The following MAGI1 variants were observed in gnomAD, a reference collection of about 807,000 sequenced individuals.
MAGI1 encodes membrane associated guanylate kinase, WW and PDZ domain containing 1.
Under a neutral mutation model 139.9 loss-of-function variants are expected in MAGI1, and 58 were observed. That is an observed-to-expected ratio of 0.41 (90% CI 0.34 to 0.52). MAGI1 has a LOEUF of 0.52. Among genes scored for constraint, MAGI1 ranks in the 20% least tolerant of loss-of-function variants. MAGI1 has a pLI of 0.12. For synonymous variants in MAGI1, 812 were observed against 737.9 expected, an observed-to-expected ratio of 1.10 and a Z score of -1.63; for missense variants, 1,874 against 1,901.6, an observed-to-expected ratio of 0.99 and a Z score of 0.27.
chr3:65,472,717 G>A (rs1167316367), intron 4 of MAGI1, among the ~76,000 whole-genome samples: 1 of 152,200 alleles, frequency 6.6e-6, no homozygotes, highest in Non-Finnish European at 1.5e-5. Context: ...GAGACGTGTA[G>A]AGAGTGGGTC....
At chr3:65,961,705 C>A (rs1576273854) in intron 1 of MAGI1, among the ~76,000 whole-genome samples, 2 of 152,156 alleles carry the variant, frequency 1.3e-5, no homozygotes, top group Admixed American at 1.3e-4. Context: ...TTGTATTCAG[C>A]GCAGTCAGGA....
chr3:65,635,061 T>G (rs1384418289), intron 1 of MAGI1, among the ~76,000 whole-genome samples: 2 of 151,634 alleles, frequency 1.3e-5, no homozygotes, highest in Non-Finnish European at 2.9e-5. Context: ...TTTGGAAACT[T>G]TCAAAGTAAA....
At chr3:65,682,372 T>G (rs1329555627) in intron 1 of MAGI1, among the ~76,000 whole-genome samples, 1 of 152,168 alleles carries the variant, frequency 6.6e-6, no homozygotes, top group East Asian at 1.9e-4. Context: ...GAAAGAGACC[T>G]AGATCAAGGG....
chr3:65,974,325 G>A (rs2065151245), intron 1 of MAGI1, among the ~76,000 whole-genome samples: 1 of 145,938 alleles, frequency 6.9e-6, no homozygotes, highest in Admixed American at 7.0e-5. Flanking sequence ...AGGGAGAGTG[G>A]GAGGGAAGAA....
intron 3 of MAGI1, among the ~76,000 whole-genome samples, chr3:65,489,993 C>T: frequency 6.6e-6 from 1 of 152,048 alleles, no homozygotes; most frequent in East Asian, 1.9e-4. Context: ...CTGGAGAAAG[C>T]AATTTCAGGA....
At chr3:65,673,782 T>C (rs745597758) in intron 1 of MAGI1, among the ~76,000 whole-genome samples, 13 of 152,260 alleles carry the variant, frequency 8.5e-5, no homozygotes, top group Non-Finnish European at 1.6e-4. Flanking sequence ...TTGTAAATTA[T>C]ATTATTGTAT....
At chr3:65,574,344 T>G (rs967504214) in intron 2 of MAGI1, among the ~76,000 whole-genome samples, 8 of 150,086 alleles carry the variant, frequency 5.3e-5, no homozygotes, top group Non-Finnish European at 1.0e-4. Flanking sequence ...ATAGATATTT[T>G]CAGGAACAAA....
At chr3:65,662,730 CCT>C (rs1489248309) in intron 1 of MAGI1, among the ~76,000 whole-genome samples, 13 of 152,190 alleles carry the variant, frequency 8.5e-5, no homozygotes, top group South Asian at 4.2e-4. Context: ...CCTAAAATCC[CCT>C]CTTAGCAAAT....
rs138938466 is a variant in MAGI1 at position 65,692,500 on chromosome 3, A to T, written c.314-70412T>A. ...AGTGGCCTTGACTTACCCTACATAG[A>T]CTTACACAATTCATATATCCCTGAG... On this transcript the variant is annotated intron_variant, in intron 1 of 22. Coordinates refer to ENST00000402939, the MANE Select transcript of MAGI1 (RefSeq NM_001033057.2). Among the ~76,000 whole-genome samples the T allele has an allele frequency of 5.8e-3, 888 of 152,276 alleles. 5 individuals are homozygous for T. The highest frequency in any genetic ancestry group is 0.02 in the African/African-American group (829 of 41,552).
chr3:65,802,848 C>CTGTGTGTGTGTG (rs55814110), intron 1 of MAGI1, among the ~76,000 whole-genome samples: 2,539 of 138,182 alleles, frequency 0.018, 42 homozygotes, highest in South Asian at 0.055. Flanking sequence ...ATCATCTCAT[C>CTGTGTGTGTGTG]TGTGTGTGTG....
In MAGI1 at chr3:65,468,947, C is replaced by CAATAAATAAATAAATAAATA. The variant is rs141122582; in HGVS notation, c.959+1316_959+1335dup. 9.7e-4 allele frequency among the ~76,000 whole-genome samples: 131 copies of CAATAAATAAATAAATAAATA among 134,726 alleles called. 1 individual carries two copies. Among genetic ancestry groups the CAATAAATAAATAAATAAATA allele is most frequent in the East Asian group, 4.9e-3 (22 of 4,458 alleles). The allele number at this position is 134,726 out of a possible 152,430, so 88.4% of individuals were successfully genotyped here. On this transcript the variant is annotated intron_variant, in intron 5 of 22. Coordinates refer to ENST00000402939, the MANE Select transcript of MAGI1 (RefSeq NM_001033057.2). ...TGAGGCCCCATCTCAGGAAGGGAAACAATAAATAAATAAATAAATAAATAA... is the reference window on the plus strand; with the variant it reads ...TGAGGCCCCATCTCAGGAAGGGAAACAATAAATAAATAAATAAATAAATAAATAAATAAATAAATAAATAA...
intron 2 of MAGI1, among the ~76,000 whole-genome samples, chr3:65,542,594 C>T (rs549548067): frequency 1.1e-4 from 17 of 152,236 alleles, no homozygotes; most frequent in African/African-American, 4.1e-4. Flanking sequence ...TCAGAAATAA[C>T]ACCACACATC....
At chr3:66,034,258 A>G (rs1056584612) in intron 1 of MAGI1, among the ~76,000 whole-genome samples, 7 of 148,780 alleles carry the variant, frequency 4.7e-5, no homozygotes, top group Non-Finnish European at 1.0e-4. Flanking sequence ...TACTAATGCC[A>G]CTGGTCTGAG....
At chr3:66,035,766 G>A (rs2068883002) in intron 1 of MAGI1, among the ~76,000 whole-genome samples, 1 of 152,144 alleles carries the variant, frequency 6.6e-6, no homozygotes, top group African/African-American at 2.4e-5. Flanking sequence ...CTGTGCACAA[G>A]GGGTGAAGAG....
At chr3:66,004,555 T>C (rs2066914938) in intron 1 of MAGI1, among the ~76,000 whole-genome samples, 1 of 152,172 alleles carries the variant, frequency 6.6e-6, no homozygotes, top group Admixed American at 6.5e-5. Context: ...TGTCATACTC[T>C]GTTGGTCCAG....
chr3:65,932,294 G>A lies in MAGI1; in HGVS notation c.313+105702C>T, dbSNP rs143078107. Among the ~76,000 whole-genome samples, 394 of 152,170 alleles carry A rather than the reference G, an allele frequency of 2.6e-3. 2 individuals carry two copies. Among genetic ancestry groups the A allele is most frequent in the African/African-American group, 8.3e-3 (345 of 41,502 alleles). On this transcript the variant is annotated intron_variant, in intron 1 of 22. Transcript: ENST00000402939. Reference sequence around the variant, plus strand: ...TTCAAATTACTTGAACCTGGGAGGCGGGGGTTGCAGTGAGCTGAGATCACA... The same window carrying A: ...TTCAAATTACTTGAACCTGGGAGGCAGGGGTTGCAGTGAGCTGAGATCACA...
At position 65,886,223 on chromosome 3, in the gene MAGI1, G is replaced by T. The variant is rs187329995; in HGVS notation, c.313+151773C>A. ...GTTTCACACCAATTCTGCACAGAAA[G>T]TTCATATGTAAATGTCCTATTATTA... On this transcript the variant is annotated intron_variant, in intron 1 of 22. Coordinates refer to ENST00000402939, the MANE Select transcript of MAGI1 (RefSeq NM_001033057.2). 1.6e-3 allele frequency among the ~76,000 whole-genome samples: 250 copies of T among 152,204 alleles called. 3 individuals are homozygous for T. The highest frequency in any genetic ancestry group is 9.6e-4 in the East Asian group (5 of 5,182).
intron 1 of MAGI1, among the ~76,000 whole-genome samples, chr3:65,959,450 G>A (rs2064298778): frequency 6.6e-6 from 1 of 151,780 alleles, no homozygotes; most frequent in Non-Finnish European, 1.5e-5. Context: ...TGCTCTTTTT[G>A]TTATTTTGGT....
chr3:65,650,542 T>G (rs2085520749), intron 1 of MAGI1, among the ~76,000 whole-genome samples: 1 of 152,240 alleles, frequency 6.6e-6, no homozygotes, highest in South Asian at 2.1e-4. Flanking sequence ...GGGGGCCTTC[T>G]GTGTAGGCAA....
Sources: gnomAD v4.1 joint callset for allele counts (sites outside exome capture counted in the v4.1 genomes callset) on GRCh38, gnomAD v4.1.1 for gene constraint, MANE v1.5 for transcripts, NCBI Gene and HGNC (gene_info 2026-07-23, HGNC 2026-07-21) for gene names.